The following GLIPR1 variants were observed in gnomAD, a reference collection of about 807,000 sequenced individuals.
The protein encoded by GLIPR1 is glioma pathogenesis-related protein 1.
Under a neutral mutation model 30.3 loss-of-function variants are expected in GLIPR1, and 38 were observed. The ratio of observed to expected loss-of-function variants is 1.26; its 90% CI spans 0.97 to 1.65. The LOEUF is 1.65. Among genes scored for constraint, GLIPR1 ranks in the 40% most tolerant of loss-of-function variants. The probability of loss-of-function intolerance (pLI) is 0.00; values close to 1 mark genes in which losing one functional copy is unlikely to be tolerated. For missense variants in GLIPR1, 285 were observed against 326.5 expected, an observed-to-expected ratio of 0.87 and a Z score of 0.98; for synonymous variants, 122 against 110.6, an observed-to-expected ratio of 1.10 and a Z score of -0.65.
chr12:75,501,348 T>C lies in GLIPR1; in HGVS notation c.*2370T>C, dbSNP rs1302037780. The C allele has an allele frequency of 2.8e-5, 5 of 176,874 alleles. No homozygotes were observed. The highest frequency in any genetic ancestry group is 2.4e-5 in the African/African-American group (1 of 41,894). 11.0% of individuals were successfully genotyped at this position (176,874 alleles called of 1,614,324 possible). On this transcript the variant is annotated 3_prime_UTR_variant, in exon 6 of 6. Coordinates refer to ENST00000266659, the MANE Select transcript of GLIPR1 (RefSeq NM_006851.3). The stretch of plus-strand genomic sequence containing the variant: ...AGCCAAACTCTAAGCCAAGATCACA[T>C]AAAGAGAAGAAAAAGTACAACTTCT...
chr12:75,497,474 A>C (rs1387282520), intron 4 of GLIPR1: 1 of 152,184 alleles, frequency 6.6e-6, no homozygotes, highest in African/African-American at 2.4e-5. Context: ...TCTTGTCACT[A>C]ATTTCCTATT....
At position 75,498,929 on chromosome 12, in the gene GLIPR1, T is replaced by G; in HGVS notation, c.752T>G (p.Ile251Ser). 6.2e-7 allele frequency: 1 copy of G among 1,609,478 alleles called. No individual in the cohort carries two copies. Among genetic ancestry groups the G allele is most frequent in the South Asian group, 1.1e-5 (1 of 90,756 alleles). Residue 251 changes from isoleucine to serine, a missense_variant, in exon 6 of 6, where the codon ATT (isoleucine) becomes AGT (serine). Coordinates refer to ENST00000266659, the MANE Select transcript of GLIPR1 (RefSeq NM_006851.3). ...NSVILILSVI[I>S]TILVQHKYPN... The stretch of plus-strand genomic sequence containing the variant: ...GTAATTCTAATACTGTCTGTTATAA[T>G]TACCATTTTGGTACAGCACAAGTAC...
intron 3 of GLIPR1, 107 bp from the exon 4 acceptor site, chr12:75,495,470 T>C (rs2046344575): frequency 6.1e-6 from 4 of 651,284 alleles, no homozygotes; most frequent in South Asian, 3.6e-5. Flanking sequence ...CTCTGGACCT[T>C]TGTACTTCAC....
chr12:75,482,559 C>T (rs2046276117), intron 2 of GLIPR1, among the ~76,000 whole-genome samples: 1 of 152,118 alleles, frequency 6.6e-6, no homozygotes, highest in Admixed American at 6.5e-5. Flanking sequence ...ATGCACTAGG[C>T]ACCACGCACG....
intron 3 of GLIPR1, chr12:75,495,329 C>T: frequency 2.7e-6 from 1 of 364,858 alleles, no homozygotes; most frequent in East Asian, 4.4e-5. Context: ...GAATAACTTC[C>T]TCTCAGAGCT....
intron 2 of GLIPR1, among the ~76,000 whole-genome samples, chr12:75,487,203 T>C (rs189027376): frequency 6.6e-6 from 1 of 152,312 alleles, no homozygotes; most frequent in Admixed American, 6.5e-5. Context: ...ACAGCATGCA[T>C]AGGAATTACC....
chr12:75,501,850 T>A lies in GLIPR1; in HGVS notation c.*2872T>A. On this transcript the variant is annotated 3_prime_UTR_variant, in exon 6 of 6. Coordinates refer to ENST00000266659, the MANE Select transcript of GLIPR1 (RefSeq NM_006851.3). ...ATAAATAAAAAATATATCAGTTAAA[T>A]GTATTTATAGTTAAATAATTCAAGT... 6.4e-7 allele frequency: 1 copy of A among 1,572,636 alleles called. No individual in the cohort carries two copies. The highest frequency in any genetic ancestry group is 8.7e-7 in the Non-Finnish European group (1 of 1,150,074).
At chr12:75,498,655 C>A (rs747996513) in intron 4 of GLIPR1, 39 bp from the exon 5 acceptor site, 57 of 1,554,598 alleles carry the variant, frequency 3.7e-5, no homozygotes, top group Non-Finnish European at 4.8e-5. Context: ...CTGTGTCTAC[C>A]CTTTTAATTT....
intron 3 of GLIPR1, chr12:75,491,034 T>C (rs1001076824): frequency 6.6e-6 from 1 of 152,484 alleles, no homozygotes; most frequent in African/African-American, 2.4e-5. Context: ...TTCTTTAAAC[T>C]TACATATGTG....
At position 75,501,642 on chromosome 12, in the gene GLIPR1, T is replaced by G. The variant is rs1024099069; in HGVS notation, c.*2664T>G. The G allele has an allele frequency of 1.1e-6, 1 of 894,256 alleles. No homozygotes were observed. Among genetic ancestry groups the G allele is most frequent in the African/African-American group, 1.7e-5 (1 of 59,374 alleles). 55.4% of individuals were successfully genotyped at this position (894,256 alleles called of 1,614,324 possible). A position where few individuals can be genotyped will look rare whatever the true frequency, so the allele number is the denominator to read the frequency against. On this transcript the variant is annotated 3_prime_UTR_variant, in exon 6 of 6. Transcript: ENST00000266659. ...AGAACTGATGAAAAGATACAACTGT[T>G]TCTTAAAAAGATTCAGACAAATTTA...
In GLIPR1 at chr12:75,499,605, G is replaced by GACATATATACC. The variant is rs2046376158; in HGVS notation, c.*629_*630insATATATACCAC. 1.9e-5 allele frequency: 6 copies of GACATATATACC among 314,368 alleles called. No individual in the cohort carries two copies. Among genetic ancestry groups the GACATATATACC allele is most frequent in the African/African-American group, 1.4e-4 (6 of 43,608 alleles). The allele number at this position is 314,368 out of a possible 1,614,324, so 19.5% of individuals were successfully genotyped here. On this transcript the variant is annotated 3_prime_UTR_variant, in exon 6 of 6. Transcript: ENST00000266659. ...TCACAATGGTCGTAATGTATACAAA[G>GACATATATACC]ACTTATATACCACTTTCTCGTATAA...
intron 2 of GLIPR1, chr12:75,487,931 A>G (rs2046301190): frequency 6.1e-6 from 2 of 330,564 alleles, no homozygotes; most frequent in South Asian, 2.4e-5. Flanking sequence ...TTTCTTGATG[A>G]TATGTTAAAC....
chr12:75,485,705 T>C (rs557179067), intron 2 of GLIPR1, among the ~76,000 whole-genome samples: 1 of 151,318 alleles, frequency 6.6e-6, no homozygotes, highest in East Asian at 1.9e-4. Flanking sequence ...CGCCCGCCAC[T>C]ACGCCCGGCT....
Position 75,502,235 on chromosome 12 carries a change from T to C in GLIPR1, c.*3257T>C, listed in dbSNP as rs2046399368. On this transcript the variant is annotated 3_prime_UTR_variant, in exon 6 of 6. Coordinates refer to ENST00000266659, the MANE Select transcript of GLIPR1 (RefSeq NM_006851.3). ...CCCAGAGTAGTTCAGGGATATGGCA[T>C]GGAAGGTCACTGATTCAGAAAAGTG... is the stretch of plus-strand genomic sequence containing the variant. 5.4e-6 allele frequency: 2 copies of C among 372,668 alleles called. No homozygotes were observed. Among genetic ancestry groups the C allele is most frequent in the Non-Finnish European group, 4.8e-6 (1 of 207,238 alleles). The allele number at this position is 372,668 out of a possible 1,614,324, so 23.1% of individuals were successfully genotyped here. A position where few individuals can be genotyped will look rare whatever the true frequency, so the allele number is the denominator to read the frequency against.
intron 3 of GLIPR1, 35 bp from the exon 4 acceptor site, chr12:75,495,542 A>G (rs2046345025): frequency 7.1e-6 from 9 of 1,265,958 alleles, no homozygotes; most frequent in Non-Finnish European, 1.0e-5. Context: ...AAAAACCGAA[A>G]AACTTCTAAT....
In GLIPR1 at chr12:75,481,853, C is replaced by A. The variant is rs1327372290; in HGVS notation, c.194C>A (p.Ala65Asp). ...TTGCAGACTTGGGACCCAGCACTAGCCCAAATTGCAAAAGCATGGGCCAGC... is the reference window on the plus strand; with the variant it reads ...TTGCAGACTTGGGACCCAGCACTAGACCAAATTGCAAAAGCATGGGCCAGC... ...MLYMTWDPAL[A>D]QIAKAWASNC... is the part of the protein sequence containing the mutation. Residue 65 changes from alanine (A) to aspartate (D), a missense_variant, in exon 2 of 6, where the codon GCC becomes GAC. Coordinates refer to ENST00000266659, the MANE Select transcript of GLIPR1 (RefSeq NM_006851.3). The A allele has an allele frequency of 5.6e-6, 9 of 1,614,064 alleles. No individual in the cohort carries two copies. Among genetic ancestry groups the A allele is most frequent in the Non-Finnish European group, 7.6e-6 (9 of 1,179,940 alleles).
In GLIPR1 at chr12:75,498,837, T is replaced by C. The variant is rs1160169455; in HGVS notation, c.660T>C (p.Val220=). The C allele has an allele frequency of 6.2e-6, 10 of 1,612,720 alleles. No individual in the cohort carries two copies. The highest frequency in any genetic ancestry group is 8.5e-6 in the Non-Finnish European group (10 of 1,179,078). ...QRDQVKRYYS[V]VYPGWPIYPR... ...TTTGTTTCACAGGTTACTACTCTGTTGTATATCCAGGCTGGCCCATATATC... is the reference window on the plus strand; with the variant it reads ...TTTGTTTCACAGGTTACTACTCTGTCGTATATCCAGGCTGGCCCATATATC... Residue 220 remains valine, a synonymous_variant, in exon 6 of 6, where the codon GTT becomes GTC. Transcript: ENST00000266659.
At chr12:75,487,021 G>A (rs2046296598) in intron 2 of GLIPR1, among the ~76,000 whole-genome samples, 1 of 152,110 alleles carries the variant, frequency 6.6e-6, no homozygotes, top group Non-Finnish European at 1.5e-5. Context: ...CAAAATGAAT[G>A]GTAACTAACA....
chr12:75,496,824 C>T (rs751113457), intron 4 of GLIPR1: 1 of 152,146 alleles, frequency 6.6e-6, no homozygotes, highest in South Asian at 2.1e-4. Flanking sequence ...AAACTGCTTG[C>T]TCTCCTCCTT....
Sources: gnomAD v4.1 joint callset for allele counts (sites outside exome capture counted in the v4.1 genomes callset) on GRCh38, gnomAD v4.1.1 for gene constraint, MANE v1.5 for transcripts, NCBI Gene and HGNC (gene_info 2026-07-23, HGNC 2026-07-21) for gene names.